STK3: variants seen among roughly 807,000 people sequenced by gnomAD.
The protein encoded by STK3 is serine/threonine-protein kinase 3.
STK3 carries 41 observed loss-of-function variants against 58.0 expected under a neutral mutation model. That is an observed-to-expected ratio of 0.71 (90% CI 0.55 to 0.92). The LOEUF (loss-of-function observed/expected upper bound fraction) is 0.92, where lower values mean the gene tolerates loss of function less well. Ranked by LOEUF, STK3 falls within the 40% of genes least tolerant of loss-of-function variation. STK3 has a pLI of 0.00. For missense variants in STK3, 479 were observed against 602.7 expected (o/e 0.79, Z 2.15); for synonymous variants, 170 against 191.0 (o/e 0.89, Z 0.91).
chr8:98,756,486 C>T (rs912526900), intron 3 of STK3, among the ~76,000 whole-genome samples: 3 of 151,926 alleles, frequency 2.0e-5, no homozygotes, highest in Admixed American at 6.6e-5. Context: ...AGAGACTGGG[C>T]TTTATTTGAA....
At chr8:98,589,511 C>G (rs1390741991) in intron 7 of STK3, among the ~76,000 whole-genome samples, 1 of 152,240 alleles carries the variant, frequency 6.6e-6, no homozygotes, top group Non-Finnish European at 1.5e-5. Flanking sequence ...AGCTGTCAGA[C>G]AGGGACATTT....
rs566577988 is a variant in STK3, at chr8:98,536,626, G to A, written c.1142-9709C>T. On this transcript the variant is annotated intron_variant, in intron 9 of 10. Transcript: ENST00000419617. ...GAACAAGCATAATACCCTAAAAGAT[G>A]GTGTCACAGAAATGATTTCTAATGA... Among the ~76,000 whole-genome samples, 3 of 152,208 alleles carry A rather than the reference G, an allele frequency of 2.0e-5. No homozygotes were observed. In the South Asian group the frequency reaches 6.2e-4, roughly 32 times the overall value.
chr8:98,542,911 C>A (rs1368447979), intron 9 of STK3, among the ~76,000 whole-genome samples: 1 of 152,192 alleles, frequency 6.6e-6, no homozygotes, highest in African/African-American at 2.4e-5. Context: ...CTTCACTATA[C>A]CACATCATTT....
intron 4 of STK3, among the ~76,000 whole-genome samples, chr8:98,737,399 G>C (rs967046222): frequency 2.0e-5 from 3 of 152,106 alleles, no homozygotes; most frequent in Non-Finnish European, 4.4e-5. Flanking sequence ...AAGAGATTAA[G>C]AGAAATAAAT....
chr8:98,454,980 C>T lies in STK3; in HGVS notation c.*862G>A, dbSNP rs1489185943. 1.1e-5 allele frequency: 1 copy of T among 95,108 alleles called. No homozygotes were observed. The highest frequency in any genetic ancestry group is 4.1e-5 in the African/African-American group (1 of 24,314). 5.9% of individuals were successfully genotyped at this position (95,108 alleles called of 1,614,324 possible). A position where few individuals can be genotyped will look rare whatever the true frequency, so the allele number is the denominator to read the frequency against. On this transcript the variant is annotated 3_prime_UTR_variant, in exon 11 of 11. Coordinates refer to ENST00000419617, the MANE Select transcript of STK3 (RefSeq NM_006281.4). ...AGAAATGAAATTGATGAGCTTATTA[C>T]AGTTTGAATCAGTTCAGCTATTAGA...
At chr8:98,812,116 T>A (rs1347006329) in intron 1 of STK3, among the ~76,000 whole-genome samples, 1 of 152,212 alleles carries the variant, frequency 6.6e-6, no homozygotes, top group African/African-American at 2.4e-5. Context: ...GGCCATTTTT[T>A]TTTTCAATCC....
chr8:98,502,864 T>A (rs1823727780), intron 10 of STK3, among the ~76,000 whole-genome samples: 1 of 152,220 alleles, frequency 6.6e-6, no homozygotes, highest in African/African-American at 2.4e-5. Context: ...TCTAAAATTC[T>A]CTTTTTTTGT....
intron 6 of STK3, among the ~76,000 whole-genome samples, chr8:98,649,401 T>C (rs1396314592): frequency 6.6e-6 from 1 of 152,220 alleles, no homozygotes; most frequent in East Asian, 1.9e-4. Flanking sequence ...CTATGTTGGT[T>C]AGAAACTTCT....
Position 98,584,535 on chromosome 8 carries a change from T to C in STK3, c.823-4746A>G, listed in dbSNP as rs550810963. On this transcript the variant is annotated intron_variant, in intron 7 of 10. Transcript: ENST00000419617. ...TGGGTTGGTTCCAAGTCTTTGCTAT[T>C]GTGAATAATGCCGCAATAAACATAC... Among the ~76,000 whole-genome samples, 1,166 of 151,926 alleles carry C rather than the reference T, an allele frequency of 7.7e-3. 11 individuals are homozygous for C. The highest frequency in any genetic ancestry group is 0.026 in the African/African-American group (1,089 of 41,428).
At chr8:98,694,164 G>A (rs1312314127) in intron 6 of STK3, among the ~76,000 whole-genome samples, 3 of 152,132 alleles carry the variant, frequency 2.0e-5, no homozygotes, top group Non-Finnish European at 4.4e-5. Context: ...TCCAAAAAGG[G>A]AGGTGGAAGC....
At chr8:98,653,190 G>A (rs768493334) in intron 6 of STK3, among the ~76,000 whole-genome samples, 76 of 152,178 alleles carry the variant, frequency 5.0e-4, no homozygotes, top group African/African-American at 9.6e-4. Flanking sequence ...ACTCAAAACC[G>A]CTCAACTACA....
chr8:98,930,539 T>A (rs1839969203), intron 1 of STK3, among the ~76,000 whole-genome samples: 1 of 151,346 alleles, frequency 6.6e-6, no homozygotes, highest in South Asian at 2.1e-4. Context: ...TTATGTAGCT[T>A]AAAAAAAAAT....
downstream of STK3, among the ~76,000 whole-genome samples, chr8:98,400,232 T>G (rs1192206933): frequency 6.6e-6 from 1 of 152,186 alleles, no homozygotes; most frequent in African/African-American, 2.4e-5. Context: ...AGGAGATGGT[T>G]ACTGAAGTCC....
chr8:98,694,692 A>G (rs1467863009), intron 6 of STK3, among the ~76,000 whole-genome samples: 1 of 152,104 alleles, frequency 6.6e-6, no homozygotes, highest in Non-Finnish European at 1.5e-5. Flanking sequence ...ATCATTTTTT[A>G]TGGCTGCATA....
intron 1 of STK3, among the ~76,000 whole-genome samples, chr8:98,920,489 GC>G (rs1839516020): frequency 6.6e-6 from 1 of 152,222 alleles, no homozygotes; most frequent in Non-Finnish European, 1.5e-5. Context: ...GGGGTTTTAG[GC>G]CCCTTTTAAC....
intron 1 of STK3, among the ~76,000 whole-genome samples, chr8:98,931,187 G>A (rs72668458): frequency 0.081 from 12,265 of 152,224 alleles, 544 homozygotes; most frequent in South Asian, 0.1. Context: ...CAAGGGATGA[G>A]CTGAAGTAGT....
intron 9 of STK3, among the ~76,000 whole-genome samples, chr8:98,544,661 C>G (rs1251704455): frequency 3.4e-5 from 5 of 147,904 alleles, no homozygotes; most frequent in African/African-American, 1.3e-4. Context: ...CACACACACA[C>G]ACACACACAC....
chr8:98,869,027 G>A (rs1269402192), intron 3 of STK3, among the ~76,000 whole-genome samples: 1 of 42,448 alleles, frequency 2.4e-5, no homozygotes, highest in Non-Finnish European at 5.3e-5. Flanking sequence ...AGGAAAGAAG[G>A]AAGGAAGGAA....
At chr8:98,792,225 G>A (rs984488101) in intron 1 of STK3, among the ~76,000 whole-genome samples, 1 of 152,138 alleles carries the variant, frequency 6.6e-6, no homozygotes, top group Non-Finnish European at 1.5e-5. Context: ...ATCACTAATA[G>A]ATCAAGAAAT....
Sources: allele counts gnomAD v4.1 joint callset (sites outside exome capture counted in the v4.1 genomes callset), GRCh38; gene constraint gnomAD v4.1.1; transcripts MANE v1.5; gene names NCBI Gene and HGNC (gene_info 2026-07-23, HGNC 2026-07-21).